SMG6: variants seen among roughly 807,000 people sequenced by gnomAD.
SMG6 encodes the protein SMG6 nonsense mediated mRNA decay factor.
SMG6 carries 66 observed loss-of-function variants against 142.2 expected under a neutral mutation model. The observed-to-expected ratio is 0.46, with a 90% confidence interval of 0.38 to 0.57. SMG6 has a LOEUF of 0.57. Ranked by LOEUF, SMG6 falls within the 20% of genes least tolerant of loss-of-function variation. The pLI is 0.00. For missense variants in SMG6, 1,793 were observed against 1,832.0 expected (o/e 0.98, Z 0.39); for synonymous variants, 779 against 702.4 (o/e 1.11, Z -1.72).
At chr17:2,126,401 A>C (rs927045168) in intron 13 of SMG6, among the ~76,000 whole-genome samples, 1 of 152,174 alleles carries the variant, frequency 6.6e-6, no homozygotes, top group Non-Finnish European at 1.5e-5. Context: ...GATTTCTTGG[A>C]TATGACATCA....
chr17:2,207,626 C>A (rs1275482109), intron 10 of SMG6, among the ~76,000 whole-genome samples: 1 of 151,876 alleles, frequency 6.6e-6, no homozygotes, highest in Non-Finnish European at 1.5e-5. Context: ...TAAATATATA[C>A]ATATATAAAC....
chr17:2,263,565 T>TG (rs1011097252), intron 8 of SMG6, among the ~76,000 whole-genome samples: 2 of 152,186 alleles, frequency 1.3e-5, no homozygotes, highest in East Asian at 3.9e-4. Context: ...TAAAAATGTG[T>TG]GGTTAATACA....
chr17:2,107,593 G>C (rs1375250642), intron 13 of SMG6, among the ~76,000 whole-genome samples: 1 of 152,180 alleles, frequency 6.6e-6, no homozygotes, highest in Non-Finnish European at 1.5e-5. Flanking sequence ...CCATAGGAAG[G>C]GCAGTCTTGG....
At chr17:2,240,222 T>C (rs938014226) in intron 9 of SMG6, 2 of 152,222 alleles carry the variant, frequency 1.3e-5, no homozygotes, top group African/African-American at 2.4e-5. Flanking sequence ...CTTGTTTCAT[T>C]TGAATGGCAG....
rs752204173 is a variant in SMG6 at position 2,299,159 on chromosome 17, C to T, written c.1594G>A (p.Val532Met). 4 of 1,612,788 alleles carry T rather than the reference C, an allele frequency of 2.5e-6. No individual in the cohort carries two copies. In the South Asian group the frequency reaches 3.3e-5, roughly 13 times the overall value. The change falls in exon 2 of 19, where the codon GTG becomes ATG. Residue 532 changes from valine to methionine, a missense_variant. Val to Met is a conservative substitution (Grantham distance 21). Coordinates refer to ENST00000263073, the MANE Select transcript of SMG6 (RefSeq NM_017575.5). The surrounding 1 kb of genome is among the most constrained non-coding windows in gnomAD (Gnocchi z 4.3). ...GGGTACACACCATTCGTAGGGCCCA[C>T]TGGGTACTGTAGAGGGTTATAGCCC... ...YTGYNPLQYP[V>M]GPTNGVYPGP...
At chr17:2,244,383 C>G (rs1322542376) in intron 9 of SMG6, among the ~76,000 whole-genome samples, 1 of 152,060 alleles carries the variant, frequency 6.6e-6, no homozygotes, top group Non-Finnish European at 1.5e-5. Flanking sequence ...AAGAGAAACC[C>G]AGAGGGACTG....
intron 8 of SMG6, among the ~76,000 whole-genome samples, chr17:2,265,509 CA>C (rs375177968): frequency 1.7e-4 from 25 of 142,872 alleles, no homozygotes; most frequent in Admixed American, 2.8e-4. Context: ...GACTGCCTCT[CA>C]AAAAAAAAAA....
intron 13 of SMG6, among the ~76,000 whole-genome samples, chr17:2,113,810 C>T (rs1428310897): frequency 6.6e-6 from 1 of 152,190 alleles, no homozygotes; most frequent in Non-Finnish European, 1.5e-5. Flanking sequence ...ACTAAATTAT[C>T]TCCTCCTGAG....
intron 13 of SMG6, among the ~76,000 whole-genome samples, chr17:2,120,546 C>T (rs1387121253): frequency 1.3e-5 from 2 of 152,166 alleles, no homozygotes; most frequent in Non-Finnish European, 2.9e-5. Flanking sequence ...ATAGCAATAC[C>T]TTGTCTCTAC....
rs750038545 is a variant in SMG6, at chr17:2,236,642, A to T, written c.2724-5T>A. The T allele has an allele frequency of 6.2e-7, 1 of 1,609,100 alleles. No homozygotes were observed. Among genetic ancestry groups the T allele is most frequent in the Admixed American group, 1.7e-5 (1 of 59,528 alleles). On this transcript the variant is annotated splice_region_variant and splice_polypyrimidine_tract_variant and intron_variant, in intron 9 of 18. Coordinates refer to ENST00000263073, the MANE Select transcript of SMG6 (RefSeq NM_017575.5). ...ACTGCAGGGAATGTCTCCATCCTGC[A>T]GATTCAGAAAACCCATCAATGAGGC... is the stretch of plus-strand genomic sequence containing the variant.
intron 4 of SMG6, among the ~76,000 whole-genome samples, chr17:2,293,548 C>T (rs111913547): frequency 2.0e-5 from 3 of 152,122 alleles, no homozygotes; most frequent in Non-Finnish European, 4.4e-5. Context: ...CAGCTCACTG[C>T]AACCTCCACC....
At chr17:2,063,463 G>A (rs897874932) in intron 18 of SMG6, among the ~76,000 whole-genome samples, 6 of 152,198 alleles carry the variant, frequency 3.9e-5, no homozygotes, top group African/African-American at 1.4e-4. Context: ...GCGGTCCCCC[G>A]GATGGCAATG....
At chr17:2,301,176 T>C (rs1200749258) in intron 1 of SMG6, among the ~76,000 whole-genome samples, 2 of 152,198 alleles carry the variant, frequency 1.3e-5, no homozygotes, top group Admixed American at 1.3e-4. Context: ...ATTATAACAA[T>C]TATCAGTCCT....
Position 2,303,667 on chromosome 17 carries a change from G to A in SMG6, c.54C>T (p.Ile18=). The change falls in exon 1 of 19, where the codon ATC becomes ATT. Residue 18 remains isoleucine, a synonymous_variant. Transcript: ENST00000263073. ...CGGCCTGCGGGGCCAGAGTAGCCAG[G>A]ATCCCGCGCAGCTCCGACGCGGAGA... is the stretch of plus-strand genomic sequence containing the variant. ...VRISASELRG[I]LATLAPQAGS... The A allele has an allele frequency of 6.7e-7, 1 of 1,493,388 alleles. No individual in the cohort carries two copies. The highest frequency in any genetic ancestry group is 1.3e-5 in the South Asian group (1 of 79,838). The allele number at this position is 1,493,388 out of a possible 1,614,324, so 92.5% of individuals were successfully genotyped here.
intron 8 of SMG6, among the ~76,000 whole-genome samples, chr17:2,272,846 G>A (rs987569488): frequency 4.6e-5 from 7 of 152,000 alleles, no homozygotes; most frequent in African/African-American, 1.2e-4. Flanking sequence ...GCTGAGGCAG[G>A]AGAATGGCGT....
Position 2,302,916 on chromosome 17 carries a change from C to T in SMG6, c.88+717G>A. On this transcript the variant is annotated intron_variant, in intron 1 of 18. Coordinates refer to ENST00000263073, the MANE Select transcript of SMG6 (RefSeq NM_017575.5). ...AATCAACAAAAACCAATTTCACAGACTGGCCGCAAACCTAGAGAAGGCACC... is the reference window on the plus strand; with the variant it reads ...AATCAACAAAAACCAATTTCACAGATTGGCCGCAAACCTAGAGAAGGCACC... 17 of 970,498 alleles carry T rather than the reference C, an allele frequency of 1.8e-5. No individual in the cohort carries two copies. In the South Asian group the frequency reaches 1.9e-4, roughly 11 times the overall value. The allele number at this position is 970,498 out of a possible 1,614,324, so 60.1% of individuals were successfully genotyped here. A position where few individuals can be genotyped will look rare whatever the true frequency, so the allele number is the denominator to read the frequency against.
intron 10 of SMG6, among the ~76,000 whole-genome samples, chr17:2,191,470 G>A (rs1269388383): frequency 6.6e-6 from 1 of 152,208 alleles, no homozygotes; most frequent in Non-Finnish European, 1.5e-5. Flanking sequence ...TGTTTGCCTT[G>A]GTATTCGCCT....
intron 13 of SMG6, among the ~76,000 whole-genome samples, chr17:2,114,960 G>GATAAAATAAAATAAAATAAAATAAAA (rs2069458481): frequency 1.2e-5 from 1 of 82,042 alleles, no homozygotes; most frequent in Non-Finnish European, 2.3e-5. Flanking sequence ...ATAAAAAAAT[G>GATAAAATAAAATAAAATAAAATAAAA]AAATGAAATG....
In SMG6 at chr17:2,111,467, A is replaced by T. The variant is rs71359144; in HGVS notation, c.3358-25566T>A. 6.4e-3 allele frequency among the ~76,000 whole-genome samples: 979 copies of T among 152,250 alleles called. 3 individuals carry two copies. The highest frequency in any genetic ancestry group is 0.027 in the Middle Eastern group (8 of 294). ...CTCGCTGTTGCCCAGGCTGCAGTAC[A>T]GTGGTGTGATCATAGCTCACTGCAG... On this transcript the variant is annotated intron_variant, in intron 13 of 18. Transcript: ENST00000263073.
Sources: gnomAD v4.1 joint callset for allele counts (sites outside exome capture counted in the v4.1 genomes callset) on GRCh38, gnomAD v4.1.1 for gene constraint, Gnocchi (gnomAD v3.1) non-coding constraint, MANE v1.5 for transcripts, NCBI Gene and HGNC (gene_info 2026-07-23, HGNC 2026-07-21) for gene names.